Variants in ADAM10 observed in about 807,000 individuals in gnomAD.
ADAM10 encodes the protein ADAM metallopeptidase domain 10.
In ADAM10, 17 loss-of-function variants were observed where a neutral mutation model predicts 90.1. That is an observed-to-expected ratio of 0.19 (90% CI 0.13 to 0.28). The LOEUF is 0.28. Among genes scored for constraint, ADAM10 ranks in the 10% least tolerant of loss-of-function variants. The pLI is 1.00. For synonymous variants in ADAM10, 310 were observed against 298.6 expected, an observed-to-expected ratio of 1.04 and a Z score of -0.40; for missense variants, 610 against 914.3, an observed-to-expected ratio of 0.67 and a Z score of 4.29.
At chr15:58,599,481 C>T in intron 15 of ADAM10, 117 bp downstream of exon 15, 1 of 1,257,298 alleles carries the variant, frequency 8.0e-7, no homozygotes, top group Non-Finnish European at 1.1e-6. Context: ...TCCAATAATC[C>T]CATTCTTACG....
intron 14 of ADAM10, among the ~76,000 whole-genome samples, chr15:58,606,470 G>C (rs1895277094): frequency 6.6e-6 from 1 of 152,170 alleles, no homozygotes; most frequent in African/African-American, 2.4e-5. Flanking sequence ...TTACATTTGA[G>C]AAATCTGCTT....
chr15:58,651,811 G>C (rs189190469), intron 5 of ADAM10, among the ~76,000 whole-genome samples: 2 of 152,230 alleles, frequency 1.3e-5, no homozygotes, highest in East Asian at 3.9e-4. Context: ...GTAGTTTTTT[G>C]AGGAACCTCC....
chr15:58,654,573 C>A (rs1264033034), intron 5 of ADAM10, among the ~76,000 whole-genome samples: 1 of 152,070 alleles, frequency 6.6e-6, no homozygotes, highest in Non-Finnish European at 1.5e-5. Context: ...AAGAAAAGGT[C>A]TTACTATAGA....
At chr15:58,650,243 T>C (rs1443002712) in intron 5 of ADAM10, among the ~76,000 whole-genome samples, 11 of 152,182 alleles carry the variant, frequency 7.2e-5, no homozygotes, top group African/African-American at 2.7e-4. Context: ...CATATACTGG[T>C]TACATTGAAC....
chr15:58,642,464 C>CAA, intron 7 of ADAM10, among the ~76,000 whole-genome samples: 1 of 113,966 alleles, frequency 8.8e-6, no homozygotes, highest in East Asian at 2.6e-4. Flanking sequence ...GACTCCTTCT[C>CAA]AAAAAAAAAA....
chr15:58,712,000 T>C (rs1474076395), intron 2 of ADAM10, among the ~76,000 whole-genome samples: 7 of 152,148 alleles, frequency 4.6e-5, no homozygotes, highest in African/African-American at 1.4e-4. Flanking sequence ...AAAATATATA[T>C]ATACATACAA....
At chr15:58,660,344 C>G (rs1896937167) in intron 5 of ADAM10, among the ~76,000 whole-genome samples, 1 of 152,072 alleles carries the variant, frequency 6.6e-6, no homozygotes, top group African/African-American at 2.4e-5. Flanking sequence ...CAAGAGTGAA[C>G]CATCTCACCT....
chr15:58,620,336 A>G (rs1424773113), intron 11 of ADAM10, among the ~76,000 whole-genome samples: 1 of 152,034 alleles, frequency 6.6e-6, no homozygotes, highest in Non-Finnish European at 1.5e-5. Flanking sequence ...GCATGGAGGC[A>G]CACACCTGTA....
intron 4 of ADAM10, among the ~76,000 whole-genome samples, chr15:58,670,502 T>C (rs965341788): frequency 1.3e-5 from 2 of 152,176 alleles, no homozygotes; most frequent in Non-Finnish European, 2.9e-5. Flanking sequence ...CATCCATTAG[T>C]TGGCAGGCTG....
At chr15:58,616,278 A>G (rs1895613101) in intron 11 of ADAM10, among the ~76,000 whole-genome samples, 1 of 152,244 alleles carries the variant, frequency 6.6e-6, no homozygotes, top group Non-Finnish European at 1.5e-5. Context: ...GACCAAATAG[A>G]TCTAACAGAC....
intron 5 of ADAM10, among the ~76,000 whole-genome samples, chr15:58,658,856 T>A (rs1394193737): frequency 6.6e-6 from 1 of 152,252 alleles, no homozygotes; most frequent in East Asian, 1.9e-4. Context: ...TTGATTCTAG[T>A]AACTTTTTCT....
chr15:58,613,585 T>G (rs1895514240), intron 11 of ADAM10, among the ~76,000 whole-genome samples: 1 of 151,756 alleles, frequency 6.6e-6, no homozygotes, highest in Non-Finnish European at 1.5e-5. Flanking sequence ...AATGAGAAAT[T>G]CAAAAAAGTA....
Position 58,682,300 on chromosome 15 carries a change from C to T in ADAM10, c.221G>A (p.Arg74Gln), listed in dbSNP as rs761056936. The T allele has an allele frequency of 3.1e-6, 5 of 1,612,490 alleles. No individual in the cohort carries two copies. The highest frequency in any genetic ancestry group is 3.4e-6 in the Non-Finnish European group (4 of 1,179,304). The change falls in exon 3 of 16, where the codon CGA becomes CAA. Residue 74 changes from arginine (R) to glutamine (Q), a missense_variant. By Grantham distance (43) the Arg-to-Gln change is conservative. Around this residue, in one of 4 missense-constraint regions of ADAM10, gnomAD observed 310 missense variants for 362.4 expected, o/e 0.86. Coordinates refer to ENST00000260408, the MANE Select transcript of ADAM10 (RefSeq NM_001110.4). ...GAAAAGGGAAGTGTCCCTCTTCATT[C>T]GTAGGTTGAAATGTCTGTAAAATGG... ...FHAHGRHFNL[R>Q]MKRDTSLFSD...
In ADAM10 at chr15:58,682,296, C is replaced by T; in HGVS notation, c.225G>A (p.Met75Ile). Residue 75 changes from methionine (M) to isoleucine (I), a missense_variant, in exon 3 of 16, where the codon ATG becomes ATA. By Grantham distance (10) the Met-to-Ile change is conservative. This residue lies in a region of ADAM10 where 310 missense variants were observed against 362.4 expected (regional missense o/e 0.86). Coordinates refer to ENST00000260408, the MANE Select transcript of ADAM10 (RefSeq NM_001110.4). ...CACTGAAAAGGGAAGTGTCCCTCTTCATTCGTAGGTTGAAATGTCTGTAAA... is the reference window on the plus strand; with the variant it reads ...CACTGAAAAGGGAAGTGTCCCTCTTTATTCGTAGGTTGAAATGTCTGTAAA... The part of the protein sequence containing the change: ...HAHGRHFNLR[M>I]KRDTSLFSDE... 1.2e-6 allele frequency: 2 copies of T among 1,612,770 alleles called. No individual in the cohort carries two copies. Among genetic ancestry groups the T allele is most frequent in the Non-Finnish European group, 1.7e-6 (2 of 1,179,384 alleles).
At chr15:58,655,709 T>C (rs1324434130) in intron 5 of ADAM10, among the ~76,000 whole-genome samples, 3 of 39,088 alleles carry the variant, frequency 7.7e-5, no homozygotes, top group African/African-American at 7.4e-4. Flanking sequence ...TATATATATA[T>C]AGTATATATA....
intron 11 of ADAM10, among the ~76,000 whole-genome samples, chr15:58,619,337 G>A (rs534057430): frequency 6.6e-6 from 1 of 152,230 alleles, no homozygotes; most frequent in South Asian, 2.1e-4. Context: ...GAAGGGTAGT[G>A]GAGAGGTGGA....
At chr15:58,693,115 A>C (rs776671057) in intron 2 of ADAM10, 3 of 739,442 alleles carry the variant, frequency 4.1e-6, no homozygotes, top group Non-Finnish European at 7.7e-6. Context: ...GGTATTGATT[A>C]TGAGAGACAT....
rs1204411508 is a variant in ADAM10, at chr15:58,621,459, T to C, written c.1511+12A>G. On this transcript the variant is annotated intron_variant, in intron 11 of 15. Transcript: ENST00000260408. ...TACAAGAATGTTAACATCACTGAAA[T>C]TAGCAAGGTACCTGCACTGTTTCCC... 6.2e-7 allele frequency: 1 copy of C among 1,613,972 alleles called. No individual in the cohort carries two copies. Among genetic ancestry groups the C allele is most frequent in the East Asian group, 2.2e-5 (1 of 44,858 alleles).
At chr15:58,677,344 C>T (rs1319155751) in intron 4 of ADAM10, among the ~76,000 whole-genome samples, 2 of 151,912 alleles carry the variant, frequency 1.3e-5, no homozygotes, top group Non-Finnish European at 2.9e-5. Context: ...AAGCTGATAT[C>T]AATGATAAAG....
Sources: allele counts gnomAD v4.1 joint callset (sites outside exome capture counted in the v4.1 genomes callset), GRCh38; gene constraint gnomAD v4.1.1; regional missense constraint gnomAD v4.1.1; transcripts MANE v1.5; gene names NCBI Gene and HGNC (gene_info 2026-07-23, HGNC 2026-07-21).